Variants in USP48 observed in about 807,000 individuals in gnomAD.
The protein encoded by USP48 is ubiquitin specific peptidase 48, also known as ubiquitin carboxyl-terminal hydrolase 48.
A neutral mutation model predicts 150.7 loss-of-function variants in USP48; 43 were observed. The observed-to-expected ratio is 0.29, with a 90% confidence interval of 0.22 to 0.37. The LOEUF is 0.37. Ranked by LOEUF, USP48 falls within the 10% of genes least tolerant of loss-of-function variation. The pLI, the probability that USP48 is intolerant of heterozygous loss-of-function variation, is 1.00. For missense variants in USP48, 813 were observed against 1,249.6 expected (o/e 0.65, Z 5.27); for synonymous variants, 396 against 425.9 (o/e 0.93, Z 0.86).
intron 13 of USP48, among the ~76,000 whole-genome samples, 175 bp downstream of exon 13, chr1:21,721,475 G>A (rs931343094): frequency 2.6e-5 from 4 of 152,150 alleles, no homozygotes; most frequent in African/African-American, 9.7e-5. Flanking sequence ...TTTCTTTATC[G>A]TTGCCACAGG....
chr1:21,757,601 A>T (rs956300110), intron 2 of USP48, 62 bp downstream of exon 2: 2 of 1,566,968 alleles, frequency 1.3e-6, no homozygotes, highest in Non-Finnish European at 1.7e-6. Context: ...CAGGCCCAAA[A>T]CAAAAGCAAA....
chr1:21,750,211 C>T (rs944735662), intron 6 of USP48, among the ~76,000 whole-genome samples: 1 of 152,146 alleles, frequency 6.6e-6, no homozygotes, highest in Non-Finnish European at 1.5e-5. Flanking sequence ...TTACTCACTT[C>T]GGCCACACTA....
At chr1:21,715,314 A>C in intron 15 of USP48, 75 bp downstream of exon 15, 1 of 1,194,372 alleles carries the variant, frequency 8.4e-7, no homozygotes, top group Non-Finnish European at 1.2e-6. Flanking sequence ...AGATACTGGC[A>C]TGAAAGCCAG....
intron 9 of USP48, among the ~76,000 whole-genome samples, chr1:21,730,335 G>A (rs1476792079): frequency 1.3e-5 from 2 of 152,056 alleles, no homozygotes; most frequent in Admixed American, 1.3e-4. Flanking sequence ...CCACCTACTT[G>A]GGAGGCTGAC....
chr1:21,780,421 G>C (rs1450604908), intron 1 of USP48, among the ~76,000 whole-genome samples: 1 of 152,164 alleles, frequency 6.6e-6, no homozygotes, highest in East Asian at 1.9e-4. Context: ...GTGACTAACA[G>C]ATGCTCAGTT....
intron 8 of USP48, among the ~76,000 whole-genome samples, chr1:21,745,539 G>T (rs778048627): frequency 1.3e-5 from 2 of 152,082 alleles, no homozygotes; most frequent in Non-Finnish European, 2.9e-5. Context: ...TAGCCTGGGC[G>T]ACAGAGCCAG....
chr1:21,684,846 T>C (rs2097576455), intron 25 of USP48, among the ~76,000 whole-genome samples: 1 of 152,184 alleles, frequency 6.6e-6, no homozygotes, highest in South Asian at 2.1e-4. Flanking sequence ...CATAAATTAG[T>C]TGGCTGTAAA....
intron 1 of USP48, among the ~76,000 whole-genome samples, chr1:21,765,493 T>C (rs2152627690): frequency 6.6e-6 from 1 of 152,106 alleles, no homozygotes; most frequent in South Asian, 2.1e-4. Flanking sequence ...GGCACGCGCC[T>C]GTAGTCCCAC....
chr1:21,757,935 A>C (rs75333279), intron 1 of USP48, 152 bp from the exon 2 acceptor site: 85,582 of 975,248 alleles, frequency 0.088, 4,350 homozygotes, highest in Middle Eastern at 0.1. Flanking sequence ...TGTGGAGAAG[A>C]AAGCATGCAT....
intron 9 of USP48, among the ~76,000 whole-genome samples, chr1:21,734,356 G>A (rs1237865787): frequency 6.6e-6 from 1 of 152,044 alleles, no homozygotes; most frequent in Non-Finnish European, 1.5e-5. Context: ...CCATGTTCAT[G>A]CCACTGTACT....
chr1:21,690,105 C>A lies in USP48; in HGVS notation c.2884-6G>T. ...ACTGAAAATGCATGCATGATCTGTG[C>A]CAATATAAAAGAGAGAAAGTCCGTA... On this transcript the variant is annotated splice_region_variant and splice_polypyrimidine_tract_variant and intron_variant, in intron 23 of 26. Transcript: ENST00000308271. 6.2e-7 allele frequency: 1 copy of A among 1,609,958 alleles called. No homozygotes were observed. The highest frequency in any genetic ancestry group is 8.5e-7 in the Non-Finnish European group (1 of 1,178,040).
chr1:21,707,723 C>T (rs550830181), intron 15 of USP48, among the ~76,000 whole-genome samples: 1 of 152,300 alleles, frequency 6.6e-6, no homozygotes, highest in Non-Finnish European at 1.5e-5. Flanking sequence ...TTTCTGCACC[C>T]ATTGGCAAGG....
At chr1:21,740,565 C>T (rs781728798) in intron 8 of USP48, among the ~76,000 whole-genome samples, 8 of 152,122 alleles carry the variant, frequency 5.3e-5, no homozygotes, top group Non-Finnish European at 7.3e-5. Flanking sequence ...GTCAGAAAAA[C>T]CCCAAGCCAA....
chr1:21,748,541 T>G (rs2097801138), intron 6 of USP48, among the ~76,000 whole-genome samples: 1 of 152,272 alleles, frequency 6.6e-6, no homozygotes, highest in Non-Finnish European at 1.5e-5. Context: ...TTTGTCCTGG[T>G]AATCCCACTT....
chr1:21,680,890 G>A, intron 25 of USP48, 56 bp from the exon 26 acceptor site: 1 of 1,389,982 alleles, frequency 7.2e-7, no homozygotes, highest in East Asian at 2.4e-5. Flanking sequence ...GTGACAGACA[G>A]TAATATCATT....
chr1:21,750,771 A>C (rs2097809723), intron 6 of USP48, among the ~76,000 whole-genome samples: 1 of 151,896 alleles, frequency 6.6e-6, no homozygotes, highest in African/African-American at 2.4e-5. Context: ...AATCCCAGCT[A>C]CTCAGGAGGC....
At chr1:21,754,837 A>G (rs1274926029) in intron 3 of USP48, among the ~76,000 whole-genome samples, 1 of 152,074 alleles carries the variant, frequency 6.6e-6, no homozygotes, top group Non-Finnish European at 1.5e-5. Flanking sequence ...AGGGCCCAGC[A>G]CCTTCTCATG....
chr1:21,687,861 T>C (rs543174970), intron 24 of USP48, among the ~76,000 whole-genome samples: 1 of 152,258 alleles, frequency 6.6e-6, no homozygotes, highest in African/African-American at 2.4e-5. Context: ...AGCAACTCAA[T>C]GTGTTTTCAA....
At chr1:21,686,898 T>C in intron 25 of USP48, 1 of 385,670 alleles carries the variant, frequency 2.6e-6, no homozygotes, top group Non-Finnish European at 4.7e-6. Context: ...GCCTCTAATT[T>C]GTGTGTGCCT....
Sources: allele counts gnomAD v4.1 joint callset (sites outside exome capture counted in the v4.1 genomes callset), GRCh38; gene constraint gnomAD v4.1.1; transcripts MANE v1.5; gene names NCBI Gene and HGNC (gene_info 2026-07-23, HGNC 2026-07-21).